Variants in SMOC1 observed in about 807,000 individuals in gnomAD.
SMOC1 encodes the protein SPARC related modular calcium binding 1.
Under a neutral mutation model 56.3 loss-of-function variants are expected in SMOC1, and 22 were observed. That is an observed-to-expected ratio of 0.39 (90% CI 0.28 to 0.56). The LOEUF is 0.56. Ranked by LOEUF, SMOC1 falls within the 20% of genes least tolerant of loss-of-function variation. The pLI, the probability that SMOC1 is intolerant of heterozygous loss-of-function variation, is 0.61. For missense variants in SMOC1, 509 were observed against 565.4 expected, an observed-to-expected ratio of 0.90 and a Z score of 1.01; for synonymous variants, 193 against 215.0, an observed-to-expected ratio of 0.90 and a Z score of 0.89.
chr14:69,978,046 G>A (rs759188379), intron 5 of SMOC1, 81 bp downstream of exon 5: 104 of 1,149,910 alleles, frequency 9.0e-5, no homozygotes, highest in Non-Finnish European at 1.3e-4. Context: ...GATAGAAGGA[G>A]CCTGGGGTGA....
chr14:70,005,807 C>T (rs999937230), intron 7 of SMOC1, among the ~76,000 whole-genome samples: 9 of 152,140 alleles, frequency 5.9e-5, no homozygotes, highest in Non-Finnish European at 1.2e-4. Flanking sequence ...TCCATGCCCC[C>T]CTGGACAGCC....
chr14:69,953,377 C>A, intron 2 of SMOC1, 43 bp from the exon 3 acceptor site: 1 of 1,586,842 alleles, frequency 6.3e-7, no homozygotes, highest in Non-Finnish European at 8.7e-7. Flanking sequence ...GCCCCAGTGT[C>A]GAATCCAAGT....
intron 1 of SMOC1, among the ~76,000 whole-genome samples, chr14:69,927,989 G>A (rs1885061737): frequency 1.3e-5 from 2 of 152,232 alleles, no homozygotes; most frequent in African/African-American, 4.8e-5. Flanking sequence ...AGAGAAGGCA[G>A]TGGGGAACTG....
At chr14:69,927,713 C>A (rs370642487) in intron 1 of SMOC1, among the ~76,000 whole-genome samples, 2 of 152,068 alleles carry the variant, frequency 1.3e-5, no homozygotes, top group African/African-American at 4.8e-5. Context: ...GGGAAACTTC[C>A]GAGGAGGGGC....
intron 1 of SMOC1, among the ~76,000 whole-genome samples, chr14:69,896,545 G>C (rs1384467862): frequency 1.3e-5 from 2 of 152,202 alleles, no homozygotes; most frequent in African/African-American, 4.8e-5. Flanking sequence ...AGAGATCCCT[G>C]TAAGAACCCA....
chr14:69,999,809 T>C (rs1054937810), intron 7 of SMOC1, among the ~76,000 whole-genome samples: 1 of 152,188 alleles, frequency 6.6e-6, no homozygotes, highest in African/African-American at 2.4e-5. Context: ...TACCTTGTTT[T>C]AAAATTAGCT....
intron 10 of SMOC1, among the ~76,000 whole-genome samples, chr14:70,021,329 A>C (rs1026906039): frequency 6.6e-6 from 1 of 152,210 alleles, no homozygotes; most frequent in African/African-American, 2.4e-5. Context: ...GCTGGTATGC[A>C]CTGCAGGGGC....
chr14:69,903,607 A>T (rs1305701313), intron 1 of SMOC1, among the ~76,000 whole-genome samples: 1 of 152,180 alleles, frequency 6.6e-6, no homozygotes, highest in Admixed American at 6.5e-5. Context: ...CCTTACCCCC[A>T]ACCCGGTGCT....
At chr14:70,004,692 C>G (rs1196918716) in intron 7 of SMOC1, among the ~76,000 whole-genome samples, 2 of 152,210 alleles carry the variant, frequency 1.3e-5, no homozygotes, top group Non-Finnish European at 2.9e-5. Flanking sequence ...ATATCACTCT[C>G]TCTCTCTCTC....
At chr14:69,930,903 G>A (rs375399558) in intron 1 of SMOC1, among the ~76,000 whole-genome samples, 12 of 152,332 alleles carry the variant, frequency 7.9e-5, no homozygotes, top group African/African-American at 2.9e-4. Flanking sequence ...CTCCTGTGTT[G>A]ATTCTTCTTT....
At chr14:69,913,221 C>A (rs1043221384) in intron 1 of SMOC1, among the ~76,000 whole-genome samples, 3 of 152,154 alleles carry the variant, frequency 2.0e-5, no homozygotes, top group African/African-American at 7.2e-5. Context: ...TATCTCTTTC[C>A]GCTCTGCTAG....
At chr14:69,892,350 T>C (rs1883984495) in intron 1 of SMOC1, among the ~76,000 whole-genome samples, 1 of 152,206 alleles carries the variant, frequency 6.6e-6, no homozygotes, top group Non-Finnish European at 1.5e-5. Flanking sequence ...TGTTCCATGC[T>C]TCAGAAATTC....
At chr14:69,994,277 G>A in intron 6 of SMOC1, 123 bp from the exon 7 acceptor site, 1 of 814,094 alleles carries the variant, frequency 1.2e-6, no homozygotes. Context: ...GTGGATGTGG[G>A]AGAGAGCTGA....
chr14:70,020,572 C>T (rs770713590), intron 10 of SMOC1, among the ~76,000 whole-genome samples: 1 of 152,118 alleles, frequency 6.6e-6, no homozygotes, highest in Non-Finnish European at 1.5e-5. Context: ...CCCAGAGGCA[C>T]TACCTGGAGG....
At chr14:69,891,152 G>T (rs1388227292) in intron 1 of SMOC1, among the ~76,000 whole-genome samples, 1 of 152,180 alleles carries the variant, frequency 6.6e-6, no homozygotes, top group Non-Finnish European at 1.5e-5. Context: ...AAGGTTGAAA[G>T]CATGCAAAAG....
intron 1 of SMOC1, among the ~76,000 whole-genome samples, chr14:69,897,928 C>G (rs1884140281): frequency 6.6e-6 from 1 of 151,826 alleles, no homozygotes; most frequent in African/African-American, 2.4e-5. Context: ...TTTTTTCCTT[C>G]TCTCTGAATA....
intron 5 of SMOC1, 24 bp downstream of exon 5, chr14:69,977,989 C>G (rs2139509313): frequency 1.2e-6 from 2 of 1,605,590 alleles, no homozygotes; most frequent in East Asian, 4.5e-5. Flanking sequence ...TATGCTTTAT[C>G]TAAATGTTTG....
chr14:70,013,507 G>C lies in SMOC1; in HGVS notation c.1046+16G>C. The C allele has an allele frequency of 1.9e-6, 3 of 1,611,460 alleles. No homozygotes were observed. Among genetic ancestry groups the C allele is most frequent in the Non-Finnish European group, 1.7e-6 (2 of 1,177,802 alleles). On this transcript the variant is annotated intron_variant, in intron 10 of 11. Coordinates refer to ENST00000361956, the MANE Select transcript of SMOC1 (RefSeq NM_001034852.3). ...GAGGTGGGAGGTGAGATTGTGAGCA[G>C]GAATCAGGCCCAGGAGAAAAATGTG...
At chr14:69,974,465 T>G (rs751949156) in intron 3 of SMOC1, among the ~76,000 whole-genome samples, 8 of 152,148 alleles carry the variant, frequency 5.3e-5, no homozygotes, top group Non-Finnish European at 8.8e-5. Flanking sequence ...CAGAGGGTTC[T>G]GTGGCCAGAG....
Sources: gnomAD v4.1 joint callset for allele counts (sites outside exome capture counted in the v4.1 genomes callset) on GRCh38, gnomAD v4.1.1 for gene constraint, MANE v1.5 for transcripts, NCBI Gene and HGNC (gene_info 2026-07-23, HGNC 2026-07-21) for gene names.